The following RTKN2 variants were observed in gnomAD, a reference collection of about 807,000 sequenced individuals.
RTKN2 encodes rhotekin-2.
In RTKN2, 69 loss-of-function variants were observed where a neutral mutation model predicts 71.5. That is an observed-to-expected ratio of 0.96 (90% CI 0.79 to 1.18). The LOEUF (loss-of-function observed/expected upper bound fraction) is 1.18. Ranked by LOEUF, RTKN2 falls within the 50% of genes most tolerant of loss-of-function variation. RTKN2 has a pLI of 0.00. For missense variants in RTKN2, 724 were observed against 719.7 expected (o/e 1.01, Z -0.07); for synonymous variants, 236 against 236.5 (o/e 1.00, Z 0.02).
chr10:62,194,606 A>T lies in RTKN2; in HGVS notation c.*3302T>A. The T allele has an allele frequency of 1.0e-6, 1 of 985,456 alleles. No individual in the cohort carries two copies. Among genetic ancestry groups the T allele is most frequent in the South Asian group, 4.7e-5 (1 of 21,292 alleles). 61.0% of individuals were successfully genotyped at this position (985,456 alleles called of 1,614,324 possible). On this transcript the variant is annotated 3_prime_UTR_variant, in exon 12 of 12. Transcript: ENST00000373789. ...TGTCCATGTAGTATAGTTGTGCCTCATTCGTGGTAACACAGGTGATTACAT... is the reference window on the plus strand; with the variant it reads ...TGTCCATGTAGTATAGTTGTGCCTCTTTCGTGGTAACACAGGTGATTACAT...
intron 5 of RTKN2, among the ~76,000 whole-genome samples, chr10:62,237,120 G>C (rs1842275227): frequency 6.6e-6 from 1 of 151,836 alleles, no homozygotes; most frequent in African/African-American, 2.4e-5. Context: ...GATTTTAGCT[G>C]CTTTTGTCAC....
intron 7 of RTKN2, among the ~76,000 whole-genome samples, chr10:62,218,760 C>T (rs1457188882): frequency 6.6e-6 from 1 of 152,086 alleles, no homozygotes; most frequent in Non-Finnish European, 1.5e-5. Context: ...CCGAGGCAGG[C>T]GGATCACTTG....
intron 8 of RTKN2, among the ~76,000 whole-genome samples, chr10:62,187,236 G>T (rs1337302603): frequency 3.4e-5 from 5 of 149,162 alleles, no homozygotes; most frequent in African/African-American, 7.5e-5. Context: ...CTTTGTTCTT[G>T]TAAGTGACTA....
At chr10:62,210,251 C>T (rs1208197392) in intron 9 of RTKN2, among the ~76,000 whole-genome samples, 4 of 152,110 alleles carry the variant, frequency 2.6e-5, no homozygotes, top group African/African-American at 9.7e-5. Flanking sequence ...ATTATATCTA[C>T]ATATGACAAC....
intron 1 of RTKN2, 137 bp from the exon 2 acceptor site, chr10:62,262,958 T>C: frequency 5.7e-6 from 3 of 530,346 alleles, no homozygotes; most frequent in Non-Finnish European, 9.8e-6. Flanking sequence ...AGTGTAAAAA[T>C]AGCTATTTTA....
At position 62,195,445 on chromosome 10, in the gene RTKN2, T is replaced by C. The variant is rs61850825; in HGVS notation, c.*2463A>G. Reference sequence around the variant, plus strand: ...CTTTGACACAGTGCTTAACTATTTTTAGATTTTTTTTTTAAACTGTAAAGG... The same window carrying C: ...CTTTGACACAGTGCTTAACTATTTTCAGATTTTTTTTTTAAACTGTAAAGG... On this transcript the variant is annotated 3_prime_UTR_variant, in exon 12 of 12. Coordinates refer to ENST00000373789, the MANE Select transcript of RTKN2 (RefSeq NM_145307.4). 94,085 of 978,326 alleles carry C rather than the reference T, an allele frequency of 0.096. 5,082 individuals are homozygous for C. Among genetic ancestry groups the C allele is most frequent in the South Asian group, 0.25 (5,359 of 21,078 alleles). The allele number at this position is 978,326 out of a possible 1,614,324, so 60.6% of individuals were successfully genotyped here. A position where few individuals can be genotyped will look rare whatever the true frequency, so the allele number is the denominator to read the frequency against.
At chr10:62,201,483 A>G (rs1451296575) in intron 10 of RTKN2, among the ~76,000 whole-genome samples, 2 of 152,132 alleles carry the variant, frequency 1.3e-5, no homozygotes, top group African/African-American at 4.8e-5. Flanking sequence ...ATGTACATCT[A>G]GTAGGATCTG....
At chr10:62,217,338 A>G in intron 8 of RTKN2, 89 bp from the exon 9 acceptor site, 1 of 933,328 alleles carries the variant, frequency 1.1e-6, no homozygotes, top group South Asian at 2.7e-5. Context: ...AGGTTAAATT[A>G]GTTATTTAGA....
At chr10:62,215,062 T>C (rs1438231296) in intron 9 of RTKN2, 4 of 1,520,308 alleles carry the variant, frequency 2.6e-6, no homozygotes, top group Non-Finnish European at 3.6e-6. Flanking sequence ...GTTGAATTCC[T>C]TCGAGACTGT....
At position 62,263,039 on chromosome 10, in the gene RTKN2, C is replaced by T. The variant is rs80194423; in HGVS notation, c.61-218G>A. Reference sequence around the variant, plus strand: ...TTACAATCTAAAGAAACGGAATAAACGAACATAAACAAAGGTGAGAAACAT... The same window carrying T: ...TTACAATCTAAAGAAACGGAATAAATGAACATAAACAAAGGTGAGAAACAT... On this transcript the variant is annotated intron_variant, in intron 1 of 11. Transcript: ENST00000373789. 2.6e-3 allele frequency among the ~76,000 whole-genome samples: 402 copies of T among 152,216 alleles called. 1 individual carries two copies. Among genetic ancestry groups the T allele is most frequent in the Non-Finnish European group, 4.7e-3 (318 of 67,986 alleles).
At chr10:62,218,921 G>C (rs1379014840) in intron 7 of RTKN2, among the ~76,000 whole-genome samples, 2 of 152,124 alleles carry the variant, frequency 1.3e-5, no homozygotes, top group Non-Finnish European at 2.9e-5. Flanking sequence ...AGGAGGCGGA[G>C]GTTGCAGTGA....
intron 7 of RTKN2, 144 bp from the exon 8 acceptor site, chr10:62,218,445 C>G: frequency 3.6e-6 from 2 of 563,338 alleles, no homozygotes; most frequent in Admixed American, 6.1e-5. Context: ...TGTAAAGATT[C>G]ATCCTACCCA....
intron 6 of RTKN2, among the ~76,000 whole-genome samples, chr10:62,223,787 T>C (rs531187391): frequency 3.0e-4 from 45 of 152,150 alleles, no homozygotes; most frequent in African/African-American, 1.1e-3. Flanking sequence ...AAATAAGAAA[T>C]AAAATTACTG....
Position 62,198,590 on chromosome 10 carries a change from A to G in RTKN2, c.1295-147T>C, listed in dbSNP as rs1390834737. ...AAAACGTTCACTTGTAAAAATAACC[A>G]CACCATCAGAACTAAAAAGATCATG... On this transcript the variant is annotated intron_variant, in intron 11 of 11. Transcript: ENST00000373789. 5.0e-6 allele frequency: 3 copies of G among 596,246 alleles called. No homozygotes were observed. In the African/African-American group the frequency reaches 5.7e-5, roughly 11 times the overall value. 36.9% of individuals were successfully genotyped at this position (596,246 alleles called of 1,614,324 possible). A position where few individuals can be genotyped will look rare whatever the true frequency, so the allele number is the denominator to read the frequency against.
At chr10:62,186,748 A>ATTTTT (rs34368299) in intron 8 of RTKN2, among the ~76,000 whole-genome samples, 1 of 150,690 alleles carries the variant, frequency 6.6e-6, no homozygotes, top group Non-Finnish European at 1.5e-5. Context: ...TCAGAAAAAC[A>ATTTTT]TTTTTTTTTT....
At chr10:62,212,922 G>GT (rs1242828873) in intron 9 of RTKN2, among the ~76,000 whole-genome samples, 1 of 152,138 alleles carries the variant, frequency 6.6e-6, no homozygotes, top group African/African-American at 2.4e-5. Flanking sequence ...CCTGGAGGGA[G>GT]TAATATCAAC....
At chr10:62,268,494 G>A (rs926947454) in intron 1 of RTKN2, 57 bp downstream of exon 1, 1 of 1,489,914 alleles carries the variant, frequency 6.7e-7, no homozygotes, top group East Asian at 2.5e-5. Flanking sequence ...GCAAATGCGC[G>A]AGGAACAGAA....
At chr10:62,226,664 C>T (rs1842029911) in intron 6 of RTKN2, among the ~76,000 whole-genome samples, 1 of 152,226 alleles carries the variant, frequency 6.6e-6, no homozygotes, top group Non-Finnish European at 1.5e-5. Context: ...AAGAGAGGGA[C>T]AAGTGGCCAT....
intron 2 of RTKN2, among the ~76,000 whole-genome samples, chr10:62,253,780 C>G (rs1209375952): frequency 6.6e-6 from 1 of 151,624 alleles, no homozygotes; most frequent in Admixed American, 6.6e-5. Context: ...GGCATGTGAC[C>G]AAAACTATAC....
Sources: gnomAD v4.1 joint callset for allele counts (sites outside exome capture counted in the v4.1 genomes callset) on GRCh38, gnomAD v4.1.1 for gene constraint, MANE v1.5 for transcripts, NCBI Gene and HGNC (gene_info 2026-07-23, HGNC 2026-07-21) for gene names.